Variants in UVRAG observed in about 807,000 individuals in gnomAD.
UVRAG encodes UV radiation resistance-associated gene protein.
In UVRAG, 19 loss-of-function variants were observed where a neutral mutation model predicts 78.0. The observed-to-expected ratio is 0.24, with a 90% CI of 0.17 to 0.36. UVRAG has a LOEUF of 0.36. Among genes scored for constraint, UVRAG ranks in the 10% least tolerant of loss-of-function variants. The pLI is 1.00. For synonymous variants in UVRAG, 323 were observed against 324.6 expected, an observed-to-expected ratio of 1.00 and a Z score of 0.05; for missense variants, 740 against 853.8, an observed-to-expected ratio of 0.87 and a Z score of 1.66.
chr11:75,858,037 T>G (rs1018976940), intron 2 of UVRAG, among the ~76,000 whole-genome samples: 1 of 152,154 alleles, frequency 6.6e-6, no homozygotes, highest in Non-Finnish European at 1.5e-5. Context: ...GATTTTCAGG[T>G]CACTTTTGCT....
chr11:75,965,995 A>G (rs901757025), intron 7 of UVRAG, among the ~76,000 whole-genome samples: 1 of 152,124 alleles, frequency 6.6e-6, no homozygotes, highest in African/African-American at 2.4e-5. Flanking sequence ...TCTGTTAAAT[A>G]TAGTGCTAAG....
chr11:75,944,904 G>C (rs1048047505), intron 6 of UVRAG, among the ~76,000 whole-genome samples: 1 of 152,086 alleles, frequency 6.6e-6, no homozygotes, highest in African/African-American at 2.4e-5. Context: ...AGTAAAAAAA[G>C]ATACAGAACC....
At position 75,850,514 on chromosome 11, in the gene UVRAG, T is replaced by C. The variant is rs574584534; in HGVS notation, c.118-1369T>C. On this transcript the variant is annotated intron_variant, in intron 1 of 14. Transcript: ENST00000356136. ...AGGATGGTATATAGAGAAGTTAGAC[T>C]GTAGAGGGCTTTGAACACAATGATG... 2.0e-5 allele frequency among the ~76,000 whole-genome samples: 3 copies of C among 152,298 alleles called. No individual in the cohort carries two copies. The South Asian group carries it at 6.2e-4, about 32-fold the overall frequency.
At chr11:76,115,870 C>G in intron 13 of UVRAG, 54 bp from the exon 14 acceptor site, 1 of 1,533,258 alleles carries the variant, frequency 6.5e-7, no homozygotes, top group South Asian at 1.1e-5. Flanking sequence ...GTTCATTTTT[C>G]CGAAGCTTAT....
chr11:75,923,003 CAT>C (rs147448761), intron 6 of UVRAG, among the ~76,000 whole-genome samples: 5,150 of 138,658 alleles, frequency 0.037, 309 homozygotes, highest in African/African-American at 0.13. Flanking sequence ...TATATTTTTT[CAT>C]ATATATATAT....
intron 6 of UVRAG, among the ~76,000 whole-genome samples, chr11:75,955,901 C>T (rs1948787271): frequency 6.6e-6 from 1 of 152,110 alleles, no homozygotes; most frequent in South Asian, 2.1e-4. Context: ...AAAATAAAGA[C>T]TTAGAACATT....
chr11:75,963,214 CTCTT>C (rs1948941527), intron 7 of UVRAG, among the ~76,000 whole-genome samples: 1 of 152,190 alleles, frequency 6.6e-6, no homozygotes, highest in Admixed American at 6.5e-5. Context: ...TTGTCTCTCT[CTCTT>C]TTTTTACATT....
In UVRAG at chr11:75,970,383, A is replaced by G. The variant is rs113505922; in HGVS notation, c.699+8834A>G. On this transcript the variant is annotated intron_variant, in intron 7 of 14. Coordinates refer to ENST00000356136, the MANE Select transcript of UVRAG (RefSeq NM_003369.4). ...GTGTATTCAGTAAAATTGATTTTTA[A>G]TGTAACTTAAAAAGTAAACTTTCTT... 2.4e-3 allele frequency among the ~76,000 whole-genome samples: 369 copies of G among 152,324 alleles called. 1 individual carries two copies. Among genetic ancestry groups the G allele is most frequent in the African/African-American group, 8.5e-3 (355 of 41,576 alleles).
At chr11:75,976,833 G>A (rs1318123848) in intron 7 of UVRAG, among the ~76,000 whole-genome samples, 1 of 152,118 alleles carries the variant, frequency 6.6e-6, no homozygotes, top group South Asian at 2.1e-4. Flanking sequence ...TGGATTCATT[G>A]ATTTTTTTGA....
intron 12 of UVRAG, among the ~76,000 whole-genome samples, chr11:76,026,462 C>CT (rs1205160755): frequency 5.3e-5 from 8 of 152,120 alleles, no homozygotes; most frequent in Admixed American, 5.2e-4. Context: ...CATCTGTTTG[C>CT]TTTCATGGCA....
intron 4 of UVRAG, among the ~76,000 whole-genome samples, chr11:75,880,928 CTTTTTTTTTTT>C (rs773034018): frequency 4.4e-4 from 39 of 87,708 alleles, no homozygotes; most frequent in African/African-American, 5.6e-4. Context: ...TTATTTACTT[CTTTTTTTTTTT>C]TTTTTTTTTT....
In UVRAG at chr11:75,961,480, G is replaced by A. The variant is rs1948910212; in HGVS notation, c.630G>A (p.Gln210=). 2 of 1,604,262 alleles carry A rather than the reference G, an allele frequency of 1.2e-6. No individual in the cohort carries two copies. Among genetic ancestry groups the A allele is most frequent in the Non-Finnish European group, 1.7e-6 (2 of 1,177,762 alleles). The change falls in exon 7 of 15, where the codon CAG becomes CAA. Residue 210 remains glutamine, a synonymous_variant. Transcript: ENST00000356136. Reference sequence around the variant, plus strand: ...CCCAGTGTGCAATTAAACAGACTCAGGTAACTGTTCAGAAAATTGGAAAGG... The same window carrying A: ...CCCAGTGTGCAATTAAACAGACTCAAGTAACTGTTCAGAAAATTGGAAAGG... ...HRAQCAIKQT[Q]VTVQKIGKEI...
rs141667332 is a variant in UVRAG, at chr11:75,854,691, A to G, written c.235+2691A>G. ...CTTAGTCTCCCAAAATGCTGGGATTATAGATGTGAGCCACTGTGCTTGGCC... is the reference window on the plus strand; with the variant it reads ...CTTAGTCTCCCAAAATGCTGGGATTGTAGATGTGAGCCACTGTGCTTGGCC... On this transcript the variant is annotated intron_variant, in intron 2 of 14. Coordinates refer to ENST00000356136, the MANE Select transcript of UVRAG (RefSeq NM_003369.4). Among the ~76,000 whole-genome samples the G allele has an allele frequency of 7.7e-3, 1,171 of 152,318 alleles. 17 individuals carry two copies. Among genetic ancestry groups the G allele is most frequent in the South Asian group, 0.012 (58 of 4,828 alleles).
chr11:75,856,822 C>T (rs1315341094), intron 2 of UVRAG, among the ~76,000 whole-genome samples: 1 of 152,198 alleles, frequency 6.6e-6, no homozygotes, highest in Non-Finnish European at 1.5e-5. Context: ...GCCTACTCTA[C>T]AGCTCCATTT....
intron 6 of UVRAG, among the ~76,000 whole-genome samples, chr11:75,913,558 T>C (rs1947781539): frequency 6.6e-6 from 1 of 152,204 alleles, no homozygotes; most frequent in Admixed American, 6.5e-5. Context: ...CATTTTCACA[T>C]TTTTTATCTT....
chr11:76,067,532 G>A (rs1162937966), intron 13 of UVRAG, among the ~76,000 whole-genome samples: 1 of 152,256 alleles, frequency 6.6e-6, no homozygotes, highest in East Asian at 1.9e-4. Context: ...CGAGATGGGT[G>A]GATCGCTTGT....
intron 13 of UVRAG, among the ~76,000 whole-genome samples, chr11:76,091,701 G>A (rs1951700764): frequency 1.3e-5 from 2 of 151,804 alleles, no homozygotes. Flanking sequence ...TGTTCTATGT[G>A]TGTAATATCT....
chr11:75,996,151 G>A (rs1487406816), intron 8 of UVRAG, among the ~76,000 whole-genome samples: 1 of 151,858 alleles, frequency 6.6e-6, no homozygotes, highest in African/African-American at 2.4e-5. Context: ...GGGAGGTATA[G>A]ATGTGTAGAA....
chr11:75,938,088 C>T (rs1447815975), intron 6 of UVRAG, among the ~76,000 whole-genome samples: 2 of 151,686 alleles, frequency 1.3e-5, no homozygotes, highest in Admixed American at 6.6e-5. Context: ...TGTATATACA[C>T]ACACACACAC....
Sources: gnomAD v4.1 joint callset for allele counts (sites outside exome capture counted in the v4.1 genomes callset) on GRCh38, gnomAD v4.1.1 for gene constraint, MANE v1.5 for transcripts, NCBI Gene and HGNC (gene_info 2026-07-23, HGNC 2026-07-21) for gene names.